The following KIFAP3 variants were observed in gnomAD, a reference collection of about 807,000 sequenced individuals.
The protein encoded by KIFAP3 is kinesin-associated protein 3.
A neutral mutation model predicts 106.5 loss-of-function variants in KIFAP3; 68 were observed. The observed-to-expected ratio is 0.64, with a 90% CI of 0.53 to 0.78. The LOEUF (loss-of-function observed/expected upper bound fraction) is 0.78. KIFAP3 is among the 30% of genes least tolerant of loss of function. The probability of loss-of-function intolerance (pLI) is 0.00; values close to 1 mark genes in which losing one functional copy is unlikely to be tolerated. For missense variants in KIFAP3, 780 were observed against 941.8 expected (o/e 0.83, Z 2.25); for synonymous variants, 320 against 311.5 (o/e 1.03, Z -0.29).
At chr1:170,016,997 G>A (rs1212158970) in intron 9 of KIFAP3, among the ~76,000 whole-genome samples, 1 of 152,302 alleles carries the variant, frequency 6.6e-6, no homozygotes, top group South Asian at 2.1e-4. Flanking sequence ...AGTGGCTCAC[G>A]CCTGTAATCC....
At chr1:170,055,747 CAT>C (rs1670816724) in intron 1 of KIFAP3, among the ~76,000 whole-genome samples, 1 of 151,954 alleles carries the variant, frequency 6.6e-6, no homozygotes. Context: ...GTGAATGAAA[CAT>C]AAACAAGTAA....
chr1:170,065,410 G>A (rs1279704478), intron 1 of KIFAP3, among the ~76,000 whole-genome samples: 2 of 151,758 alleles, frequency 1.3e-5, no homozygotes, highest in African/African-American at 2.4e-5. Flanking sequence ...TCAGGAGATC[G>A]AGACCATCCT....
chr1:170,039,222 T>C lies in KIFAP3; in HGVS notation c.375+11A>G. Reference sequence around the variant, plus strand: ...CAGTCCTCTATTAGATCAGAATGCATGCAGTCTTACCTCCATTCCTTCAAA... The same window carrying C: ...CAGTCCTCTATTAGATCAGAATGCACGCAGTCTTACCTCCATTCCTTCAAA... On this transcript the variant is annotated intron_variant, in intron 4 of 19. Transcript: ENST00000361580. 6.4e-7 allele frequency: 1 copy of C among 1,556,226 alleles called. No individual in the cohort carries two copies. The highest frequency in any genetic ancestry group is 8.8e-7 in the Non-Finnish European group (1 of 1,137,038).
At chr1:170,052,103 T>C (rs1023803324) in intron 2 of KIFAP3, among the ~76,000 whole-genome samples, 3 of 151,488 alleles carry the variant, frequency 2.0e-5, no homozygotes, top group Non-Finnish European at 4.4e-5. Context: ...GCTAGATTAA[T>C]AAAGAAGACA....
chr1:170,016,495 C>T lies in KIFAP3; in HGVS notation c.1150G>A (p.Val384Ile), dbSNP rs1668525677. ...GCAGTGAGCTTGGGAAGCAGTCCAA[C>T]TTGTACCATCTTATTCCTCAGTCCT... ...DTGLRNKMVQ[V>I]GLLPKLTALL... The change falls in exon 10 of 20, where the codon GTT becomes ATT. Residue 384 changes from valine to isoleucine, a missense_variant. This residue lies in a region of KIFAP3 where 588 missense variants were observed against 678.9 expected (regional missense o/e 0.87). Transcript: ENST00000361580. 6.2e-7 allele frequency: 1 copy of T among 1,607,806 alleles called. No individual in the cohort carries two copies. The highest frequency in any genetic ancestry group is 8.5e-7 in the Non-Finnish European group (1 of 1,177,634).
intron 9 of KIFAP3, among the ~76,000 whole-genome samples, chr1:170,021,510 G>A (rs1049260739): frequency 1.4e-5 from 2 of 139,922 alleles, no homozygotes; most frequent in Non-Finnish European, 3.0e-5. Flanking sequence ...CATGATCTCC[G>A]CTCAATGCAA....
At chr1:169,951,754 CA>C (rs1166791773) in intron 19 of KIFAP3, among the ~76,000 whole-genome samples, 1 of 151,706 alleles carries the variant, frequency 6.6e-6, no homozygotes, top group Non-Finnish European at 1.5e-5. Flanking sequence ...TTAAAAAAAG[CA>C]AGTCTTTCTC....
chr1:170,074,444 G>GT lies in KIFAP3; in HGVS notation c.23dup (p.Tyr8Ter), dbSNP rs772851909. 2.4e-5 allele frequency: 38 copies of GT among 1,613,970 alleles called. No individual in the cohort carries two copies. The highest frequency in any genetic ancestry group is 5.1e-6 in the Non-Finnish European group (6 of 1,179,994). MQGEDAR[Y>*]LKRKVKGGNI... The stretch of plus-strand genomic sequence containing the variant: ...CCTTGGGGAGTCGTCACCTTTTGAG[G>GT]TATCTGGCGTCCTCCCCTTGCATGG... The change falls in exon 1 of 20, where the codon TAC becomes TAAC. Residue 8 changes from tyrosine to a stop codon, truncating the protein, a stop_gained and frameshift_variant. Transcript: ENST00000361580. LOFTEE classifies it high-confidence loss of function.
chr1:170,079,591 C>A (rs1242673374), upstream of KIFAP3, among the ~76,000 whole-genome samples: 2 of 152,024 alleles, frequency 1.3e-5, no homozygotes, highest in African/African-American at 4.8e-5. Flanking sequence ...TATGGGTTTA[C>A]TTCTGGGTTC....
At chr1:169,986,705 C>G (rs1415978917) in intron 11 of KIFAP3, among the ~76,000 whole-genome samples, 3 of 151,902 alleles carry the variant, frequency 2.0e-5, no homozygotes, top group African/African-American at 7.2e-5. Context: ...GTTTTCTAAA[C>G]TGTAATTAAA....
chr1:170,038,898 C>T (rs1313375812), intron 4 of KIFAP3, among the ~76,000 whole-genome samples: 1 of 152,092 alleles, frequency 6.6e-6, no homozygotes, highest in Non-Finnish European at 1.5e-5. Context: ...GCCTGACCAA[C>T]ATGGTGAAAC....
In KIFAP3 at chr1:170,038,407, C is replaced by T; in HGVS notation, c.400G>A (p.Asp134Asn). The T allele has an allele frequency of 6.2e-7, 1 of 1,608,134 alleles. No individual in the cohort carries two copies. The highest frequency in any genetic ancestry group is 1.7e-5 in the Admixed American group (1 of 57,980). ...AATAACTCAATATATTCATCCATGT[C>T]ATTAATGTTAGCAACTTCATCAATC... ...MEIDEVANINDMDEYIELLYE... is the reference protein window; with the variant it reads ...MEIDEVANINNMDEYIELLYE... The change falls in exon 5 of 20, where the codon GAC becomes AAC. Residue 134 changes from aspartate to asparagine, a missense_variant. Physicochemically the swap from Asp to Asn is conservative, Grantham distance 23. Transcript: ENST00000361580.
intron 16 of KIFAP3, among the ~76,000 whole-genome samples, chr1:169,977,691 T>G (rs1666297264): frequency 6.6e-6 from 1 of 152,106 alleles, no homozygotes; most frequent in Non-Finnish European, 1.5e-5. Context: ...TTATGAAGAT[T>G]AAATAGTTAG....
intron 10 of KIFAP3, among the ~76,000 whole-genome samples, chr1:170,002,651 G>A (rs536834): frequency 0.94 from 142,672 of 152,270 alleles, 66,921 homozygotes; most frequent in East Asian, 1. Flanking sequence ...AGTGCCATAC[G>A]TTTATCACTG....
rs569538305 is a variant in KIFAP3 at position 169,941,086 on chromosome 1, C to T, written c.2273+12925G>A. On this transcript the variant is annotated intron_variant, in intron 19 of 19. Coordinates refer to ENST00000361580, the MANE Select transcript of KIFAP3 (RefSeq NM_014970.4). ...AGAAGCAAACTATAGAAAAGGCCCT[C>T]AGATAAAGTCTAAAATTCTGTTTTC... Among the ~76,000 whole-genome samples the T allele has an allele frequency of 2.6e-4, 39 of 152,290 alleles. No homozygotes were observed. The South Asian group carries it at 7.9e-3, about 31-fold the overall frequency.
At chr1:169,952,234 G>T (rs1333972748) in intron 19 of KIFAP3, among the ~76,000 whole-genome samples, 1 of 151,868 alleles carries the variant, frequency 6.6e-6, no homozygotes, top group Non-Finnish European at 1.5e-5. Context: ...CTACACAAAA[G>T]GTTATTACAT....
chr1:169,999,885 C>T (rs77672751), intron 10 of KIFAP3, among the ~76,000 whole-genome samples: 2,388 of 152,142 alleles, frequency 0.016, 47 homozygotes, highest in South Asian at 0.08. Flanking sequence ...TTATAAGAAA[C>T]ATTGCATCTT....
intron 19 of KIFAP3, among the ~76,000 whole-genome samples, chr1:169,940,950 TGTG>T (rs1368227110): frequency 8.2e-6 from 1 of 121,298 alleles, no homozygotes; most frequent in African/African-American, 3.2e-5. Context: ...TGTGTGTGTG[TGTG>T]TTTAAAGACA....
intron 1 of KIFAP3, among the ~76,000 whole-genome samples, chr1:170,067,281 G>C (rs1181906967): frequency 6.6e-6 from 1 of 152,142 alleles, no homozygotes; most frequent in African/African-American, 2.4e-5. Flanking sequence ...AGCAATATAT[G>C]AAAAGATAAT....
Sources: allele counts gnomAD v4.1 joint callset (sites outside exome capture counted in the v4.1 genomes callset), GRCh38; gene constraint gnomAD v4.1.1; regional missense constraint gnomAD v4.1.1; transcripts MANE v1.5; gene names NCBI Gene and HGNC (gene_info 2026-07-23, HGNC 2026-07-21).